The following CD209 variants were observed in gnomAD, a reference collection of about 807,000 sequenced individuals.
CD209 encodes CD209 molecule.
CD209 carries 31 observed loss-of-function variants against 44.7 expected under a neutral mutation model. That is an observed-to-expected ratio of 0.69 (90% CI 0.52 to 0.94). The LOEUF is 0.94. CD209 is among the 40% of genes least tolerant of loss of function. The pLI is 0.00. For missense variants in CD209, 407 were observed against 452.4 expected, an observed-to-expected ratio of 0.90 and a Z score of 0.91; for synonymous variants, 173 against 181.3, an observed-to-expected ratio of 0.95 and a Z score of 0.37.
Position 7,740,832 on chromosome 19 carries a change from A to G in CD209, c.*2207T>C. The stretch of plus-strand genomic sequence containing the variant: ...GGAACAGAAACGACAGAAGAAACAA[A>G]AACCGGAAGCTGTCCAGAAGATGCT... On this transcript the variant is annotated 3_prime_UTR_variant, in exon 7 of 7. Transcript: ENST00000315599. 4.0e-6 allele frequency: 3 copies of G among 756,852 alleles called. No homozygotes were observed. Among genetic ancestry groups the G allele is most frequent in the Non-Finnish European group, 7.4e-6 (3 of 407,294 alleles). 46.9% of individuals were successfully genotyped at this position (756,852 alleles called of 1,614,324 possible).
chr19:7,740,190 A>T lies in CD209; in HGVS notation c.*2849T>A. ...TCACGCCAGGGCTCAATCTGATTGG[A>T]TCAAGGATCATGCCACGTGGTGTCC... On this transcript the variant is annotated 3_prime_UTR_variant, in exon 7 of 7. Transcript: ENST00000315599. 1 of 308,068 alleles carries T rather than the reference A, an allele frequency of 3.2e-6. No individual in the cohort carries two copies. Among genetic ancestry groups the T allele is most frequent in the Non-Finnish European group, 6.1e-6 (1 of 164,030 alleles). 19.1% of individuals were successfully genotyped at this position (308,068 alleles called of 1,614,324 possible). A position where few individuals can be genotyped will look rare whatever the true frequency, so the allele number is the denominator to read the frequency against.
chr19:7,744,890 T>C (rs1460042742), intron 5 of CD209, 51 bp downstream of exon 5: 1 of 1,602,692 alleles, frequency 6.2e-7, no homozygotes, highest in Admixed American at 1.7e-5. Context: ...TCCTCCCCAG[T>C]TGGCCAGAAG....
At position 7,745,040 on chromosome 19, in the gene CD209, A is replaced by G; in HGVS notation, c.801T>C (p.Cys267=). The part of the protein sequence containing the change: ...PWEWTFFQGN[C]YFMSNSQRNW... ...TCCGCTGGGAGTTAGACATGAAGTA[A>G]CAGTTTCCTTGGAAGAATGTCCATT... The change falls in exon 5 of 7, where the codon TGT becomes TGC. Residue 267 remains cysteine, a synonymous_variant. Transcript: ENST00000315599. The G allele has an allele frequency of 6.2e-7, 1 of 1,614,212 alleles. No individual in the cohort carries two copies. Among genetic ancestry groups the G allele is most frequent in the African/African-American group, 1.3e-5 (1 of 75,044 alleles).
intron 5 of CD209, 124 bp downstream of exon 5, chr19:7,744,817 C>G (rs1403878131): frequency 1.5e-6 from 2 of 1,343,100 alleles, no homozygotes; most frequent in Non-Finnish European, 2.0e-6. Context: ...CATTCATATC[C>G]TTCTCCTCCC....
intron 5 of CD209, 77 bp from the exon 6 acceptor site, chr19:7,744,296 A>T (rs2033726235): frequency 8.8e-7 from 1 of 1,135,652 alleles, no homozygotes; most frequent in Non-Finnish European, 1.3e-6. Flanking sequence ...TCTTGGTAGG[A>T]AGTTCTGCTT....
At chr19:7,745,171 G>T in intron 4 of CD209, 79 bp from the exon 5 acceptor site, 2 of 1,562,176 alleles carry the variant, frequency 1.3e-6, no homozygotes, top group Non-Finnish European at 1.8e-6. Flanking sequence ...TCAAGGTCTT[G>T]AGAGTCAGAG....
chr19:7,741,287 T>A lies in CD209; in HGVS notation c.*1752A>T, dbSNP rs557387594. On this transcript the variant is annotated 3_prime_UTR_variant, in exon 7 of 7. Transcript: ENST00000315599. ...GAGATCGAGACCATCCTGGTCAACA[T>A]GTTGAAACCCCGTCTCTACCAAAAA... 4.6e-5 allele frequency: 19 copies of A among 413,770 alleles called. No homozygotes were observed. The highest frequency in any genetic ancestry group is 8.0e-5 in the Non-Finnish European group (18 of 224,762). The allele number at this position is 413,770 out of a possible 1,614,324, so 25.6% of individuals were successfully genotyped here. A position where few individuals can be genotyped will look rare whatever the true frequency, so the allele number is the denominator to read the frequency against.
chr19:7,746,623 C>T (rs2033838394), intron 2 of CD209, 92 bp from the exon 3 acceptor site: 23 of 1,279,596 alleles, frequency 1.8e-5, no homozygotes, highest in Non-Finnish European at 2.6e-5. Flanking sequence ...ACCCCAGGAC[C>T]CAGGAACCCC....
rs754045946 is a variant in CD209, at chr19:7,746,017, C to A, written c.249G>T (p.Gln83His). 1 of 1,614,252 alleles carries A rather than the reference C, an allele frequency of 6.2e-7. No individual in the cohort carries two copies. The highest frequency in any genetic ancestry group is 1.1e-5 in the South Asian group (1 of 91,088). Residue 83 changes from glutamine (Q) to histidine (H), a missense_variant, in exon 4 of 7, where the codon CAG becomes CAT. This residue lies in a region of CD209 where 122 missense variants were observed against 110.3 expected (regional missense o/e 1.11). Transcript: ENST00000315599. ...AGAGCTCACCCACTGCAGCTTTAAG[C>A]TGGGTCAGGTTCTGGTAGATCGCGT... ...RQDAIYQNLT[Q>H]LKAAVGELSE...
At chr19:7,747,444 C>T in intron 1 of CD209, 22 bp downstream of exon 1, 1 of 1,614,236 alleles carries the variant, frequency 6.2e-7, no homozygotes, top group African/African-American at 1.3e-5. Flanking sequence ...CCCAGAATCC[C>T]AGCGTCCCAA....
At position 7,740,440 on chromosome 19, in the gene CD209, G is replaced by A. The variant is rs777069535; in HGVS notation, c.*2599C>T. 1.8e-4 allele frequency: 127 copies of A among 709,230 alleles called. No homozygotes were observed. The highest frequency in any genetic ancestry group is 3.1e-4 in the Non-Finnish European group (118 of 385,940). The allele number at this position is 709,230 out of a possible 1,614,324, so 43.9% of individuals were successfully genotyped here. Reference sequence around the variant, plus strand: ...TTATAAAGGATACAACTAGAGGGGCGGGGCGGTGCCGGCAAGATGGCTGCG... The same window carrying A: ...TTATAAAGGATACAACTAGAGGGGCAGGGCGGTGCCGGCAAGATGGCTGCG... On this transcript the variant is annotated 3_prime_UTR_variant, in exon 7 of 7. Transcript: ENST00000315599.
rs149131470 is a variant in CD209, at chr19:7,744,900, G to A, written c.900+41C>T. ...GCACCTCCTCCCCAGTTGGCCAGAA[G>A]CCATGCCCTAGGCCAGGACGGGGAC... On this transcript the variant is annotated intron_variant, in intron 5 of 6. Transcript: ENST00000315599. The A allele has an allele frequency of 7.5e-6, 12 of 1,609,290 alleles. No homozygotes were observed. The East Asian group carries it at 2.7e-4, about 36-fold the overall frequency.
chr19:7,740,370 G>A lies in CD209; in HGVS notation c.*2669C>T, dbSNP rs2033572319. On this transcript the variant is annotated 3_prime_UTR_variant, in exon 7 of 7. Coordinates refer to ENST00000315599, the MANE Select transcript of CD209 (RefSeq NM_021155.4). ...ACTCGCCATTTTATTACACAAAGTT[G>A]AACCAGATTGGGCTGAATCTGCGGT... 3 of 553,668 alleles carry A rather than the reference G, an allele frequency of 5.4e-6. No homozygotes were observed. The Admixed American group carries it at 1.0e-4, about 18-fold the overall frequency. The allele number at this position is 553,668 out of a possible 1,614,324, so 34.3% of individuals were successfully genotyped here.
chr19:7,743,892 G>A (rs1020467920), intron 6 of CD209, among the ~76,000 whole-genome samples: 8 of 142,846 alleles, frequency 5.6e-5, no homozygotes, highest in African/African-American at 1.8e-4. Flanking sequence ...ACACCTCCCC[G>A]GTGGCAGGCT....
In CD209 at chr19:7,744,117, G is replaced by A; in HGVS notation, c.1003C>T (p.Leu335=). ...GTWQWVDGSP[L]LPSFKQYWNR... Reference sequence around the variant, plus strand: ...CCTTCTGAGATCTACCTGGGCAACAGAGGTGAGCCGTCCACCCATTGCCAC... The same window carrying A: ...CCTTCTGAGATCTACCTGGGCAACAAAGGTGAGCCGTCCACCCATTGCCAC... Residue 335 remains leucine (L), a synonymous_variant, in exon 6 of 7, where the codon CTG becomes TTG. Transcript: ENST00000315599. The A allele has an allele frequency of 6.2e-7, 1 of 1,613,418 alleles. No homozygotes were observed. The highest frequency in any genetic ancestry group is 8.5e-7 in the Non-Finnish European group (1 of 1,179,320).
chr19:7,740,664 G>A lies in CD209; in HGVS notation c.*2375C>T. On this transcript the variant is annotated 3_prime_UTR_variant, in exon 7 of 7. Transcript: ENST00000315599. The stretch of plus-strand genomic sequence containing the variant: ...AAGAGAGAGGCAAAGATTACATGAG[G>A]AGTGGTTGCTGAGAGAGCAGAAGGC... 1.3e-6 allele frequency: 1 copy of A among 778,274 alleles called. No individual in the cohort carries two copies. Among genetic ancestry groups the A allele is most frequent in the South Asian group, 1.3e-5 (1 of 74,366 alleles). 48.2% of individuals were successfully genotyped at this position (778,274 alleles called of 1,614,324 possible).
Position 7,741,581 on chromosome 19 carries a change from T to A in CD209, c.*1458A>T. 1 of 734,140 alleles carries A rather than the reference T, an allele frequency of 1.4e-6. No individual in the cohort carries two copies. Among genetic ancestry groups the A allele is most frequent in the East Asian group, 3.7e-5 (1 of 27,306 alleles). 45.5% of individuals were successfully genotyped at this position (734,140 alleles called of 1,614,324 possible). A position where few individuals can be genotyped will look rare whatever the true frequency, so the allele number is the denominator to read the frequency against. On this transcript the variant is annotated 3_prime_UTR_variant, in exon 7 of 7. Transcript: ENST00000315599. ...TGGAACCTCACCTGAGGGGCAAGTA[T>A]ATATGTTCAGTACCAGTCGGAAGAA...
rs201094015 is a variant in CD209, at chr19:7,741,342, CG to C, written c.*1696del. On this transcript the variant is annotated 3_prime_UTR_variant, in exon 7 of 7. Coordinates refer to ENST00000315599, the MANE Select transcript of CD209 (RefSeq NM_021155.4). ...AGAATTAGCTGGGCGCAGTGGTGCA[CG>C]CCCAGCTAATTTTTGTACTTTTAGT... 1.1e-5 allele frequency: 3 copies of C among 271,040 alleles called. No homozygotes were observed. Among genetic ancestry groups the C allele is most frequent in the Non-Finnish European group, 2.1e-5 (3 of 144,986 alleles). The allele number at this position is 271,040 out of a possible 1,614,324, so 16.8% of individuals were successfully genotyped here.
chr19:7,744,222 G>A lies in CD209; in HGVS notation c.901-3C>T, dbSNP rs761983807. On this transcript the variant is annotated splice_region_variant and splice_polypyrimidine_tract_variant and intron_variant, in intron 5 of 6. Coordinates refer to ENST00000315599, the MANE Select transcript of CD209 (RefSeq NM_021155.4). ...GAAGACTGCAGCTGTAGGAAGTTCT[G>A]GAGGGTACAGGAGGAGTCAGGAGGG... The A allele has an allele frequency of 3.1e-6, 5 of 1,600,924 alleles. No homozygotes were observed. Among genetic ancestry groups the A allele is most frequent in the Non-Finnish European group, 4.3e-6 (5 of 1,168,126 alleles).
Sources: gnomAD v4.1 joint callset for allele counts (sites outside exome capture counted in the v4.1 genomes callset) on GRCh38, gnomAD v4.1.1 for gene constraint, gnomAD v4.1.1 regional missense constraint, MANE v1.5 for transcripts, NCBI Gene and HGNC (gene_info 2026-07-23, HGNC 2026-07-21) for gene names.